Variants in FBLN1 observed in about 807,000 individuals in gnomAD.
FBLN1 encodes fibulin-1.
A neutral mutation model predicts 89.7 loss-of-function variants in FBLN1; 34 were observed. That is an observed-to-expected ratio of 0.38 (90% confidence interval 0.29 to 0.50). The LOEUF (loss-of-function observed/expected upper bound fraction) is 0.50, where lower values mean the gene tolerates loss of function less well. FBLN1 is among the 20% of genes least tolerant of loss of function. The pLI is 0.92. For missense variants in FBLN1, 777 were observed against 988.1 expected (o/e 0.79, Z 2.86); for synonymous variants, 393 against 391.3 (o/e 1.00, Z -0.05).
At chr22:45,552,298 C>T (rs1272902365) in intron 14 of FBLN1, among the ~76,000 whole-genome samples, 1 of 152,170 alleles carries the variant, frequency 6.6e-6, no homozygotes, top group Non-Finnish European at 1.5e-5. Context: ...GCAGAAGCGG[C>T]GGGAGTATGG....
rs2088973845 is a variant in FBLN1, at chr22:45,574,116, G to A, written c.1698-395G>A. Among the ~76,000 whole-genome samples, 2 of 152,198 alleles carry A rather than the reference G, an allele frequency of 1.3e-5. No homozygotes were observed. Among genetic ancestry groups the A allele is most frequent in the African/African-American group, 4.8e-5 (2 of 41,460 alleles). Reference sequence around the variant, plus strand: ...GTGGGCTCTGAGAAGGCGGGACCATGTGTCCCTTGTTCACTTTGCTGTCCC... The same window carrying A: ...GTGGGCTCTGAGAAGGCGGGACCATATGTCCCTTGTTCACTTTGCTGTCCC... On this transcript the variant is annotated intron_variant, in intron 14 of 16. Transcript: ENST00000327858. The surrounding 1 kb of genome is among the most constrained non-coding windows in gnomAD (Gnocchi z 4.1).
intron 1 of FBLN1, among the ~76,000 whole-genome samples, chr22:45,513,466 C>G (rs534353662): frequency 6.6e-6 from 1 of 151,930 alleles, no homozygotes; most frequent in African/African-American, 2.4e-5. Context: ...CCCACCAAAC[C>G]CGGCTAATTG....
Position 45,592,289 on chromosome 22 carries a change from G to A in FBLN1, c.1973-8018G>A, listed in dbSNP as rs184562903. On this transcript the variant is annotated intron_variant, in intron 16 of 16. Transcript: ENST00000327858. ...TTTCCAGCCCATCCACACTCTAGTT[G>A]GTGGCTTTGTGAGTGCTGACAATAC... Among the ~76,000 whole-genome samples, 3 of 152,254 alleles carry A rather than the reference G, an allele frequency of 2.0e-5. No individual in the cohort carries two copies. In the East Asian group the frequency reaches 5.8e-4, roughly 29 times the overall value.
At chr22:45,589,461 C>T (rs149954762) in intron 16 of FBLN1, among the ~76,000 whole-genome samples, 1 of 152,316 alleles carries the variant, frequency 6.6e-6, no homozygotes, top group Non-Finnish European at 1.5e-5. Context: ...CGCAGACAGT[C>T]ATCTGCAGAT....
Position 45,600,432 on chromosome 22 carries a change from G to C in FBLN1, c.2098G>C (p.Glu700Gln). The change falls in exon 17 of 17, where the codon GAG (glutamate) becomes CAG (glutamine). Residue 700 changes from glutamate to glutamine, a missense_variant. Coordinates refer to ENST00000327858, the MANE Select transcript of FBLN1 (RefSeq NM_006486.3). ...TGTCAACGTCCACATCTTCGTCTCTGAGTACTGGTTCTGAGGGCTGGTCTG... is the reference window on the plus strand; with the variant it reads ...TGTCAACGTCCACATCTTCGTCTCTCAGTACTGGTTCTGAGGGCTGGTCTG... ...NVVNVHIFVS[E>Q]YWF 1 of 1,614,214 alleles carries C rather than the reference G, an allele frequency of 6.2e-7. No individual in the cohort carries two copies. Among genetic ancestry groups the C allele is most frequent in the Non-Finnish European group, 8.5e-7 (1 of 1,180,044 alleles).
chr22:45,584,331 G>T (rs1007332223), intron 16 of FBLN1, among the ~76,000 whole-genome samples: 1 of 152,166 alleles, frequency 6.6e-6, no homozygotes, highest in African/African-American at 2.4e-5. Context: ...CCCACTTAAA[G>T]GGAACTACCA....
intron 2 of FBLN1, among the ~76,000 whole-genome samples, chr22:45,524,090 T>C (rs2088287804): frequency 1.3e-5 from 2 of 152,210 alleles, no homozygotes; most frequent in Admixed American, 6.5e-5. Flanking sequence ...AATTCCATCC[T>C]GGAGCCTGAA....
chr22:45,585,393 G>T (rs1310599253), intron 16 of FBLN1, among the ~76,000 whole-genome samples: 1 of 152,250 alleles, frequency 6.6e-6, no homozygotes, highest in Non-Finnish European at 1.5e-5. Context: ...CTCTTAAGGG[G>T]TTAAATGTGC....
intron 14 of FBLN1, among the ~76,000 whole-genome samples, chr22:45,568,912 G>C (rs576995199): frequency 6.6e-6 from 1 of 152,226 alleles, no homozygotes; most frequent in Non-Finnish European, 1.5e-5. Context: ...GTGATCATTG[G>C]TGTTCCTTGG....
At chr22:45,595,805 A>C in intron 16 of FBLN1, among the ~76,000 whole-genome samples, 1 of 152,298 alleles carries the variant, frequency 6.6e-6, no homozygotes, top group Non-Finnish European at 1.5e-5. Flanking sequence ...AGTGGAAAGA[A>C]AAAGGATGAC....
intron 16 of FBLN1, among the ~76,000 whole-genome samples, chr22:45,596,764 T>C (rs2089190431): frequency 6.8e-6 from 1 of 147,396 alleles, no homozygotes; most frequent in African/African-American, 2.5e-5. Context: ...TGAACAAATA[T>C]GGATATTTAT....
rs752070504 is a variant in FBLN1 at position 45,563,030 on chromosome 22, A to C, written c.1698-11481A>C. 3 of 1,613,264 alleles carry C rather than the reference A, an allele frequency of 1.9e-6. No individual in the cohort carries two copies. The highest frequency in any genetic ancestry group is 8.5e-7 in the Non-Finnish European group (1 of 1,179,992). On this transcript the variant is annotated intron_variant, in intron 14 of 16. Transcript: ENST00000327858. This position sits in a 1 kb window ranked among gnomAD's most constrained non-coding sequence, Gnocchi z 5.7. Reference sequence around the variant, plus strand: ...CCAAGCGCCCGCGGTGGTTTTCCGCATGGGCCCCTCCAGTGCTGTCCCCGG... The same window carrying C: ...CCAAGCGCCCGCGGTGGTTTTCCGCCTGGGCCCCTCCAGTGCTGTCCCCGG...
At chr22:45,511,418 T>C (rs930831687) in intron 1 of FBLN1, among the ~76,000 whole-genome samples, 13 of 150,726 alleles carry the variant, frequency 8.6e-5, no homozygotes, top group Non-Finnish European at 1.6e-4. Flanking sequence ...CCTCTCAAAG[T>C]GCTGGGATTA....
At chr22:45,595,293 G>A (rs571574323) in intron 16 of FBLN1, among the ~76,000 whole-genome samples, 44 of 152,272 alleles carry the variant, frequency 2.9e-4, no homozygotes, top group African/African-American at 8.9e-4. Flanking sequence ...ATAGAGAAGC[G>A]GATTTGGAAG....
intron 16 of FBLN1, among the ~76,000 whole-genome samples, chr22:45,599,257 A>G (rs2089210969): frequency 6.6e-6 from 1 of 152,178 alleles, no homozygotes; most frequent in Admixed American, 6.5e-5. Context: ...AACTGACACC[A>G]GTCTCCCTGC....
intron 1 of FBLN1, chr22:45,517,223 A>G (rs1228792674): frequency 4.0e-6 from 1 of 250,572 alleles, no homozygotes; most frequent in Non-Finnish European, 7.9e-6. Context: ...GGGGCTGGAA[A>G]GCCATTAGGA....
chr22:45,515,339 C>T (rs1030356523), intron 1 of FBLN1, among the ~76,000 whole-genome samples: 1 of 152,180 alleles, frequency 6.6e-6, no homozygotes, highest in Admixed American at 6.5e-5. Flanking sequence ...CAGCTCCCCT[C>T]GGGCACAGCC....
chr22:45,509,993 T>C (rs1423084971), intron 1 of FBLN1, among the ~76,000 whole-genome samples: 3 of 152,116 alleles, frequency 2.0e-5, no homozygotes, highest in African/African-American at 7.2e-5. Context: ...CTCAGCTGCC[T>C]CTGAGTTTTT....
chr22:45,553,074 C>T (rs1281079592), intron 14 of FBLN1, among the ~76,000 whole-genome samples: 1 of 152,200 alleles, frequency 6.6e-6, no homozygotes, highest in Admixed American at 6.5e-5. Flanking sequence ...GTCGATGGCC[C>T]CCCTGCCTTG....
Sources: allele counts gnomAD v4.1 joint callset (sites outside exome capture counted in the v4.1 genomes callset), GRCh38; gene constraint gnomAD v4.1.1; non-coding constraint Gnocchi (gnomAD v3.1); transcripts MANE v1.5; gene names NCBI Gene and HGNC (gene_info 2026-07-23, HGNC 2026-07-21).